CTNNA1: variants seen among roughly 807,000 people sequenced by gnomAD.
CTNNA1 encodes the protein catenin alpha-1.
In CTNNA1, 37 loss-of-function variants were observed where a neutral mutation model predicts 98.4. That is an observed-to-expected ratio of 0.38 (90% CI 0.29 to 0.49). CTNNA1 has a LOEUF of 0.49. Among genes scored for constraint, CTNNA1 ranks in the 20% least tolerant of loss-of-function variants. The probability of loss-of-function intolerance (pLI) is 0.95; values close to 1 mark genes in which losing one functional copy is unlikely to be tolerated. For missense variants in CTNNA1, 761 were observed against 1,147.2 expected, an observed-to-expected ratio of 0.66 and a Z score of 4.86; for synonymous variants, 404 against 413.2, an observed-to-expected ratio of 0.98 and a Z score of 0.27.
chr5:138,785,599 C>T (rs1201447435), intron 3 of CTNNA1, among the ~76,000 whole-genome samples: 6 of 152,066 alleles, frequency 3.9e-5, no homozygotes, highest in African/African-American at 1.4e-4. Flanking sequence ...CTTGCTCTGT[C>T]TCCCAGGCTG....
intron 3 of CTNNA1, among the ~76,000 whole-genome samples, chr5:138,795,489 C>T (rs913018976): frequency 6.6e-6 from 1 of 151,814 alleles, no homozygotes; most frequent in African/African-American, 2.4e-5. Flanking sequence ...AAAGCTATCA[C>T]TTGTTGGTGA....
chr5:138,889,860 A>G (rs185679582), intron 9 of CTNNA1, among the ~76,000 whole-genome samples: 11 of 152,344 alleles, frequency 7.2e-5, no homozygotes, highest in Admixed American at 5.9e-4. Context: ...GCATATGTCC[A>G]TGAAAAGGAA....
At chr5:138,756,615 A>G (rs1031726884) in intron 1 of CTNNA1, among the ~76,000 whole-genome samples, 1 of 152,204 alleles carries the variant, frequency 6.6e-6, no homozygotes, top group African/African-American at 2.4e-5. Context: ...CCGTGTGTTT[A>G]GAGACTTGAG....
chr5:138,758,751 A>T (rs1224582711), intron 1 of CTNNA1, among the ~76,000 whole-genome samples: 1 of 151,620 alleles, frequency 6.6e-6, no homozygotes, highest in Non-Finnish European at 1.5e-5. Flanking sequence ...CATCTGTAAG[A>T]CAGTTGTTTT....
chr5:138,812,451 T>C, intron 5 of CTNNA1, 149 bp downstream of exon 5: 2 of 795,406 alleles, frequency 2.5e-6, no homozygotes, highest in Non-Finnish European at 3.8e-6. Flanking sequence ...CTTTTCAGTA[T>C]TGTGCTGTTA....
At chr5:138,811,402 G>A (rs1323043215) in intron 4 of CTNNA1, among the ~76,000 whole-genome samples, 1 of 108,988 alleles carries the variant, frequency 9.2e-6, no homozygotes, top group Non-Finnish European at 2.0e-5. Context: ...ATGGGATGGC[G>A]GCCGGGCAGA....
At chr5:138,805,643 G>A (rs1476475962) in intron 3 of CTNNA1, among the ~76,000 whole-genome samples, 1 of 151,640 alleles carries the variant, frequency 6.6e-6, no homozygotes, top group Non-Finnish European at 1.5e-5. Context: ...AAGAAGCCAG[G>A]TCTTGCTATG....
At chr5:138,793,058 C>G (rs886398971) in intron 3 of CTNNA1, among the ~76,000 whole-genome samples, 9 of 152,156 alleles carry the variant, frequency 5.9e-5, no homozygotes, top group African/African-American at 2.2e-4. Context: ...TGCTCCCACT[C>G]CAATTCATAC....
chr5:138,830,977 T>C (rs1386932455), intron 7 of CTNNA1, among the ~76,000 whole-genome samples: 2 of 152,234 alleles, frequency 1.3e-5, no homozygotes, highest in Admixed American at 1.3e-4. Context: ...TTCATTTTAT[T>C]TCTGTTGAAA....
At chr5:138,827,866 G>A (rs1760871850) in intron 7 of CTNNA1, 148 bp downstream of exon 7, 2 of 900,170 alleles carry the variant, frequency 2.2e-6, no homozygotes, top group Non-Finnish European at 3.3e-6. Flanking sequence ...TTAAAGAAAT[G>A]GATAAATGGC....
chr5:138,833,537 G>GA (rs1761484048), intron 7 of CTNNA1, among the ~76,000 whole-genome samples: 1 of 152,260 alleles, frequency 6.6e-6, no homozygotes, highest in Admixed American at 6.5e-5. Context: ...ATGGCTACGA[G>GA]AAAAATCATA....
chr5:138,854,116 G>A (rs1272613801), intron 7 of CTNNA1, among the ~76,000 whole-genome samples: 2 of 152,100 alleles, frequency 1.3e-5, no homozygotes, highest in Admixed American at 6.5e-5. Context: ...CAAGACTTTC[G>A]TACTTGTAAG....
intron 16 of CTNNA1, 55 bp from the exon 17 acceptor site, chr5:138,932,523 C>G: frequency 6.2e-7 from 1 of 1,600,086 alleles, no homozygotes; most frequent in South Asian, 1.1e-5. Flanking sequence ...GCCGTGGGGT[C>G]GGGGGTGCTT....
At chr5:138,931,987 A>G in intron 16 of CTNNA1, 3 of 985,532 alleles carry the variant, frequency 3.0e-6, no homozygotes, top group Non-Finnish European at 3.6e-6. Context: ...GGAGCGAGAC[A>G]GGAACTGGGC....
intron 5 of CTNNA1, among the ~76,000 whole-genome samples, chr5:138,824,090 A>AT (rs1462054616): frequency 3.3e-5 from 5 of 151,880 alleles, no homozygotes; most frequent in Middle Eastern, 3.4e-3. Context: ...ACATATATCT[A>AT]TATAGAGTTG....
intron 11 of CTNNA1, among the ~76,000 whole-genome samples, chr5:138,920,246 C>G (rs1266193088): frequency 6.6e-6 from 1 of 152,156 alleles, no homozygotes; most frequent in Non-Finnish European, 1.5e-5. Context: ...TCCCAAAGTG[C>G]TAGGATTACA....
At chr5:138,882,567 G>T (rs1753155404) in intron 7 of CTNNA1, among the ~76,000 whole-genome samples, 1 of 152,130 alleles carries the variant, frequency 6.6e-6, no homozygotes, top group Admixed American at 6.5e-5. Context: ...CTTTTTTGTA[G>T]GTTCACCTGG....
At chr5:138,876,434 C>T (rs765391499) in intron 7 of CTNNA1, among the ~76,000 whole-genome samples, 6 of 152,208 alleles carry the variant, frequency 3.9e-5, no homozygotes, top group Non-Finnish European at 8.8e-5. Context: ...ATGGTGTCTT[C>T]ACTTTTCAGA....
chr5:138,845,149 G>A (rs1410380847), intron 7 of CTNNA1, among the ~76,000 whole-genome samples: 1 of 152,156 alleles, frequency 6.6e-6, no homozygotes, highest in Non-Finnish European at 1.5e-5. Context: ...TCTTAGATTG[G>A]CAACTTTCTT....
Sources: allele counts gnomAD v4.1 joint callset (sites outside exome capture counted in the v4.1 genomes callset), GRCh38; gene constraint gnomAD v4.1.1; transcripts MANE v1.5; gene names NCBI Gene and HGNC (gene_info 2026-07-23, HGNC 2026-07-21).